NIBAN1: variants seen among roughly 807,000 people sequenced by gnomAD.
The protein encoded by NIBAN1 is niban apoptosis regulator 1.
In NIBAN1, 81 loss-of-function variants were observed where a neutral mutation model predicts 75.1. The ratio of observed to expected loss-of-function variants is 1.08; its 90% CI spans 0.90 to 1.30. The LOEUF (loss-of-function observed/expected upper bound fraction) is 1.30, where lower values mean the gene tolerates loss of function less well. Among genes scored for constraint, NIBAN1 ranks in the 50% most tolerant of loss-of-function variants. The probability of loss-of-function intolerance (pLI) is 0.00; values close to 1 mark genes in which losing one functional copy is unlikely to be tolerated. For synonymous variants in NIBAN1, 436 were observed against 424.8 expected (o/e 1.03, Z -0.32); for missense variants, 1,133 against 1,128.1 (o/e 1.00, Z -0.06).
chr1:184,899,116 A>T, intron 2 of NIBAN1, 63 bp downstream of exon 2: 1 of 1,548,546 alleles, frequency 6.5e-7, no homozygotes, highest in Non-Finnish European at 8.8e-7. Context: ...TTTCAGAAAT[A>T]CGGCTGTGCT....
At chr1:184,884,488 G>C (rs1267520264) in intron 5 of NIBAN1, 145 bp downstream of exon 5, 1 of 1,052,676 alleles carries the variant, frequency 9.5e-7, no homozygotes, top group African/African-American at 1.6e-5. Flanking sequence ...GCTTCCCAAA[G>C]TGCTGGGATT....
intron 5 of NIBAN1, among the ~76,000 whole-genome samples, chr1:184,877,485 A>C (rs187821368): frequency 6.6e-6 from 1 of 152,300 alleles, no homozygotes; most frequent in African/African-American, 2.4e-5. Flanking sequence ...TTAATTTTAA[A>C]AACTCAAAAC....
chr1:184,809,880 G>A (rs1654325976), intron 9 of NIBAN1, among the ~76,000 whole-genome samples: 1 of 152,070 alleles, frequency 6.6e-6, no homozygotes, highest in African/African-American at 2.4e-5. Context: ...AAACTGATAA[G>A]CAGAGTAATG....
chr1:184,831,986 T>G (rs758588122), intron 5 of NIBAN1, 24 bp from the exon 6 acceptor site: 29 of 1,565,108 alleles, frequency 1.9e-5, no homozygotes, highest in Non-Finnish European at 2.5e-5. Context: ...GAAAGGGCAT[T>G]CAGCAAGATA....
At chr1:184,857,762 T>G (rs996163692) in intron 5 of NIBAN1, among the ~76,000 whole-genome samples, 9 of 152,136 alleles carry the variant, frequency 5.9e-5, no homozygotes, top group Admixed American at 3.3e-4. Context: ...TGTATATATA[T>G]AATTTTAATA....
At chr1:184,898,791 A>G (rs1363087556) in intron 2 of NIBAN1, among the ~76,000 whole-genome samples, 2 of 152,218 alleles carry the variant, frequency 1.3e-5, no homozygotes, top group Admixed American at 1.3e-4. Flanking sequence ...GTAGGTGCTA[A>G]CAAACATTTG....
At chr1:184,928,815 T>G (rs1007090750) in intron 1 of NIBAN1, among the ~76,000 whole-genome samples, 8 of 152,138 alleles carry the variant, frequency 5.3e-5, no homozygotes, top group Non-Finnish European at 1.0e-4. Context: ...TTTTGGTTCT[T>G]ATAAAGGTGA....
chr1:184,970,002 C>CA (rs201955527), intron 1 of NIBAN1, among the ~76,000 whole-genome samples: 4 of 151,328 alleles, frequency 2.6e-5, no homozygotes, highest in African/African-American at 9.7e-5. Context: ...CCCGTCTCTA[C>CA]AAAAAAATAC....
chr1:184,795,160 T>G lies in NIBAN1; in HGVS notation c.2604A>C (p.Gln868His). ...VSEEQEEMGG[Q>H]SSAAQATASV... ...TGGCCGTGGCCTGGGCCGCGCTGCT[T>G]TGCCCTCCCATCTCTTCTTGTTCCT... Residue 868 changes from glutamine (Q) to histidine (H), a missense_variant, in exon 14 of 14, where the codon CAA becomes CAC. Coordinates refer to ENST00000367511, the MANE Select transcript of NIBAN1 (RefSeq NM_052966.4). 1 of 1,614,194 alleles carries G rather than the reference T, an allele frequency of 6.2e-7. No individual in the cohort carries two copies. Among genetic ancestry groups the G allele is most frequent in the Non-Finnish European group, 8.5e-7 (1 of 1,180,044 alleles).
chr1:184,819,479 C>G (rs1290006348), intron 8 of NIBAN1, among the ~76,000 whole-genome samples: 1 of 152,146 alleles, frequency 6.6e-6, no homozygotes, highest in South Asian at 2.1e-4. Flanking sequence ...CACTATAATT[C>G]CACTCCCCAG....
At chr1:184,807,649 C>G (rs550847848) in intron 10 of NIBAN1, among the ~76,000 whole-genome samples, 4 of 152,222 alleles carry the variant, frequency 2.6e-5, no homozygotes, top group African/African-American at 9.6e-5. Flanking sequence ...ATTAGCCAGA[C>G]ATGGTGGCAC....
At chr1:184,955,985 C>T (rs1658480226) in intron 1 of NIBAN1, among the ~76,000 whole-genome samples, 1 of 151,718 alleles carries the variant, frequency 6.6e-6, no homozygotes, top group Non-Finnish European at 1.5e-5. Context: ...CCCTAAGAAT[C>T]ATGAAGCCAC....
chr1:184,807,827 G>A (rs1427332645), intron 10 of NIBAN1, among the ~76,000 whole-genome samples: 1 of 152,172 alleles, frequency 6.6e-6, no homozygotes, highest in South Asian at 2.1e-4. Context: ...GCACTGATTT[G>A]ACAAATCAAG....
rs1659020832 is a variant in NIBAN1 at position 184,974,352 on chromosome 1, C to G, written c.5G>C (p.Gly2Ala). The change falls in exon 1 of 14, where the codon GGC (glycine) becomes GCC (alanine). Residue 2 changes from glycine (G) to alanine (A), a missense_variant. Transcript: ENST00000367511. MGGSASSQLDEG... is the reference protein window; with the variant it reads MAGSASSQLDEG... Reference sequence around the variant, plus strand: ...GTCCAGCTGGCTGGAGGCTGAGCCGCCCATGACCGCGAGCTGCCTGTGCTG... The same window carrying G: ...GTCCAGCTGGCTGGAGGCTGAGCCGGCCATGACCGCGAGCTGCCTGTGCTG... 1.3e-6 allele frequency: 2 copies of G among 1,559,524 alleles called. No individual in the cohort carries two copies. Among genetic ancestry groups the G allele is most frequent in the East Asian group, 2.4e-5 (1 of 41,668 alleles).
intron 1 of NIBAN1, among the ~76,000 whole-genome samples, chr1:184,930,058 A>G (rs550101190): frequency 2.4e-4 from 37 of 152,340 alleles, no homozygotes; most frequent in African/African-American, 8.4e-4. Flanking sequence ...TCATGCTCCA[A>G]TGACCTCAGC....
intron 1 of NIBAN1, among the ~76,000 whole-genome samples, chr1:184,926,039 T>C (rs535844783): frequency 6.6e-6 from 1 of 152,338 alleles, no homozygotes; most frequent in East Asian, 1.9e-4. Flanking sequence ...TGTAATCCTT[T>C]AGCTTGTCTA....
chr1:184,953,928 TC>T (rs1255524518), intron 1 of NIBAN1, among the ~76,000 whole-genome samples: 3 of 152,224 alleles, frequency 2.0e-5, no homozygotes, highest in African/African-American at 7.2e-5. Context: ...GACGGTGTTT[TC>T]CAAAGAACAC....
chr1:184,969,258 C>T (rs1035230494), intron 1 of NIBAN1, among the ~76,000 whole-genome samples: 8 of 152,104 alleles, frequency 5.3e-5, no homozygotes, highest in African/African-American at 1.7e-4. Flanking sequence ...TCTCACAATA[C>T]GAATTATGCA....
intron 1 of NIBAN1, among the ~76,000 whole-genome samples, chr1:184,956,081 C>T (rs556269523): frequency 2.1e-4 from 32 of 151,366 alleles, no homozygotes; most frequent in Non-Finnish European, 1.3e-4. Context: ...GGCCGGAATG[C>T]AGTTGTGCAA....
Sources: allele counts gnomAD v4.1 joint callset (sites outside exome capture counted in the v4.1 genomes callset), GRCh38; gene constraint gnomAD v4.1.1; transcripts MANE v1.5; gene names NCBI Gene and HGNC (gene_info 2026-07-23, HGNC 2026-07-21).